Variants in FOXK2 observed in about 807,000 individuals in gnomAD.
FOXK2 encodes the protein forkhead box K2.
FOXK2 carries 24 observed loss-of-function variants against 53.3 expected under a neutral mutation model. That is an observed-to-expected ratio of 0.45 (90% CI 0.33 to 0.63). FOXK2 has a LOEUF of 0.63. Ranked by LOEUF, FOXK2 falls within the 30% of genes least tolerant of loss-of-function variation. FOXK2 has a pLI of 0.03. For missense variants in FOXK2, 952 were observed against 910.5 expected, an observed-to-expected ratio of 1.05 and a Z score of -0.59; for synonymous variants, 505 against 407.1, an observed-to-expected ratio of 1.24 and a Z score of -2.89.
Position 82,587,130 on chromosome 17 carries a change from G to A in FOXK2, c.1644G>A (p.Thr548=), listed in dbSNP as rs148594749. ...GCACTGCCAGCCGGATCATTCAGAC[G>A]GCACAGACCACCCCGGTCCAGACGG... ...TLGTASRIIQ[T]AQTTPVQTVT... Residue 548 remains threonine, a synonymous_variant, in exon 8 of 9, where the codon ACG becomes ACA. Transcript: ENST00000335255. The A allele has an allele frequency of 2.1e-3, 3,329 of 1,612,998 alleles. 31 individuals carry two copies. The highest frequency in any genetic ancestry group is 3.7e-3 in the South Asian group (340 of 91,076).
At position 82,604,071 on chromosome 17, in the gene FOXK2, C is replaced by CCTGCGTCGTCCTCAG. The variant is rs2045419140; in HGVS notation, c.*2581_*2595dup. ...GAGCTGCAGCACCTTTGGGAGAGGT[C>CCTGCGTCGTCCTCAG]CTGCGTCGTCCTCAGCTGCGTCGCT... On this transcript the variant is annotated 3_prime_UTR_variant, in exon 9 of 9. Transcript: ENST00000335255. 1.3e-5 allele frequency: 2 copies of CCTGCGTCGTCCTCAG among 152,214 alleles called. No individual in the cohort carries two copies. Among genetic ancestry groups the CCTGCGTCGTCCTCAG allele is most frequent in the South Asian group, 2.1e-4 (1 of 4,832 alleles). 9.4% of individuals were successfully genotyped at this position (152,214 alleles called of 1,614,324 possible).
At chr17:82,573,600 A>G (rs1343013690) in intron 4 of FOXK2, among the ~76,000 whole-genome samples, 3 of 146,796 alleles carry the variant, frequency 2.0e-5, no homozygotes, top group African/African-American at 2.5e-5. Flanking sequence ...ACACACACAC[A>G]ACCAGATAAT....
At chr17:82,554,810 T>A (rs934641280) in intron 1 of FOXK2, among the ~76,000 whole-genome samples, 1 of 151,652 alleles carries the variant, frequency 6.6e-6, no homozygotes, top group Admixed American at 6.6e-5. Context: ...AGTGGCTCGA[T>A]CTGGGCTCAC....
chr17:82,585,772 G>C (rs1372178391), intron 6 of FOXK2, 132 bp from the exon 7 acceptor site: 4 of 834,960 alleles, frequency 4.8e-6, no homozygotes, highest in Non-Finnish European at 7.4e-6. Context: ...CTTTACTATT[G>C]TGAGGTGAAA....
chr17:82,601,875 C>T lies in FOXK2; in HGVS notation c.*376C>T, dbSNP rs2045390906. On this transcript the variant is annotated 3_prime_UTR_variant, in exon 9 of 9. Transcript: ENST00000335255. ...ACGCGGGGGGAGCCATCCCCGCCGC[C>T]CTCACAGGACCCACCAGGCAGCGGA... The T allele has an allele frequency of 2.1e-5, 4 of 188,528 alleles. No homozygotes were observed. The highest frequency in any genetic ancestry group is 2.2e-5 in the Non-Finnish European group (2 of 90,018). 11.7% of individuals were successfully genotyped at this position (188,528 alleles called of 1,614,324 possible). A position where few individuals can be genotyped will look rare whatever the true frequency, so the allele number is the denominator to read the frequency against.
chr17:82,546,158 C>G (rs1416237120), intron 1 of FOXK2, among the ~76,000 whole-genome samples: 1 of 143,242 alleles, frequency 7.0e-6, no homozygotes, highest in Admixed American at 7.2e-5. Flanking sequence ...GCTTGGTCGC[C>G]CAGGCTGGAG....
At chr17:82,521,481 G>T (rs1442904709) in intron 1 of FOXK2, among the ~76,000 whole-genome samples, 1 of 151,382 alleles carries the variant, frequency 6.6e-6, no homozygotes, top group African/African-American at 2.4e-5. Context: ...CTACAAATTG[G>T]AATTTTTAAC....
Position 82,587,148 on chromosome 17 carries a change from C to A in FOXK2, c.1662C>A (p.Val554=). 6.2e-7 allele frequency: 1 copy of A among 1,613,154 alleles called. No homozygotes were observed. Among genetic ancestry groups the A allele is most frequent in the Non-Finnish European group, 8.5e-7 (1 of 1,180,024 alleles). The change falls in exon 8 of 9, where the codon GTC becomes GTA. Residue 554 remains valine (V), a synonymous_variant. Coordinates refer to ENST00000335255, the MANE Select transcript of FOXK2 (RefSeq NM_004514.4). ...TTCAGACGGCACAGACCACCCCGGT[C>A]CAGACGGTGACCATAGTACAACAGG... ...RIIQTAQTTP[V]QTVTIVQQAP...
At chr17:82,531,292 A>C (rs563835154) in intron 1 of FOXK2, among the ~76,000 whole-genome samples, 1 of 152,194 alleles carries the variant, frequency 6.6e-6, no homozygotes, top group African/African-American at 2.4e-5. Context: ...TTGGGTGACT[A>C]CTGTACCATA....
chr17:82,542,250 C>T (rs2044582064), intron 1 of FOXK2, among the ~76,000 whole-genome samples: 1 of 151,780 alleles, frequency 6.6e-6, no homozygotes, highest in Non-Finnish European at 1.5e-5. Flanking sequence ...CAACCTCCGC[C>T]TCCTGGGTTC....
intron 8 of FOXK2, chr17:82,593,634 A>G (rs1421725145): frequency 6.6e-6 from 1 of 152,300 alleles, no homozygotes; most frequent in African/African-American, 2.4e-5. Flanking sequence ...CAGAGGGAGC[A>G]GTGCATCGGC....
intron 1 of FOXK2, among the ~76,000 whole-genome samples, chr17:82,550,422 A>G (rs1167673433): frequency 6.6e-6 from 1 of 152,076 alleles, no homozygotes; most frequent in Non-Finnish European, 1.5e-5. Context: ...ACAGAACACC[A>G]ATTTAAAGAT....
chr17:82,530,576 T>C (rs1042440700), intron 1 of FOXK2, among the ~76,000 whole-genome samples: 4 of 143,764 alleles, frequency 2.8e-5, no homozygotes, highest in Non-Finnish European at 4.5e-5. Flanking sequence ...AGTGGCGCCA[T>C]CTCAGCTCAC....
rs889481059 is a variant in FOXK2, at chr17:82,601,509, G to T, written c.*10G>T. 1 of 1,592,654 alleles carries T rather than the reference G, an allele frequency of 6.3e-7. No individual in the cohort carries two copies. The highest frequency in any genetic ancestry group is 1.3e-5 in the African/African-American group (1 of 74,672). ...GGGTGTCCAGAACTAGCGACCGGGA[G>T]AGCTTTTCTTTAACGATATCAACTC... On this transcript the variant is annotated 3_prime_UTR_variant, in exon 9 of 9. Transcript: ENST00000335255.
At chr17:82,586,829 A>C (rs1264768651) in intron 7 of FOXK2, among the ~76,000 whole-genome samples, 1 of 152,116 alleles carries the variant, frequency 6.6e-6, no homozygotes, top group Non-Finnish European at 1.5e-5. Context: ...TGAACCCGGA[A>C]GGTGGAGGTT....
At chr17:82,572,870 C>T (rs2044934049) in intron 4 of FOXK2, among the ~76,000 whole-genome samples, 1 of 151,786 alleles carries the variant, frequency 6.6e-6, no homozygotes, top group Non-Finnish European at 1.5e-5. Context: ...TTGTTTTAAC[C>T]ACAGATGTAT....
chr17:82,524,916 C>T (rs189511487), intron 1 of FOXK2, among the ~76,000 whole-genome samples: 4 of 150,998 alleles, frequency 2.6e-5, no homozygotes, highest in Admixed American at 6.6e-5. Context: ...CTGCCTGGGT[C>T]TGGTGGGGAG....
chr17:82,545,284 C>T (rs936773877), intron 1 of FOXK2, among the ~76,000 whole-genome samples: 17 of 152,182 alleles, frequency 1.1e-4, no homozygotes, highest in East Asian at 9.6e-4. Flanking sequence ...ATTCCTATCC[C>T]GAATTCTAAA....
At chr17:82,543,136 C>A (rs148909762) in intron 1 of FOXK2, among the ~76,000 whole-genome samples, 37 of 152,212 alleles carry the variant, frequency 2.4e-4, no homozygotes, top group Admixed American at 1.7e-3. Flanking sequence ...GTGGGGGTTT[C>A]GTTTGATACT....
Sources: gnomAD v4.1 joint callset for allele counts (sites outside exome capture counted in the v4.1 genomes callset) on GRCh38, gnomAD v4.1.1 for gene constraint, MANE v1.5 for transcripts, NCBI Gene and HGNC (gene_info 2026-07-23, HGNC 2026-07-21) for gene names.